NPAS3: variants seen among roughly 807,000 people sequenced by gnomAD.
NPAS3 encodes neuronal PAS domain protein 3, also known as neuronal PAS domain-containing protein 3.
Under a neutral mutation model 73.1 loss-of-function variants are expected in NPAS3, and 14 were observed. The ratio of observed to expected loss-of-function variants is 0.19; its 90% CI spans 0.13 to 0.30. The LOEUF is 0.30. Among genes scored for constraint, NPAS3 ranks in the 10% least tolerant of loss-of-function variants. The pLI is 1.00. For synonymous variants in NPAS3, 620 were observed against 541.5 expected (o/e 1.14, Z -2.01); for missense variants, 1,096 against 1,250.0 (o/e 0.88, Z 1.86).
intron 4 of NPAS3, among the ~76,000 whole-genome samples, chr14:33,465,464 C>T (rs7141037): frequency 0.14 from 21,241 of 152,044 alleles, 2,318 homozygotes; most frequent in African/African-American, 0.3. Context: ...TAGAATATAT[C>T]GATTCAAGCA....
intron 5 of NPAS3, among the ~76,000 whole-genome samples, chr14:33,605,635 T>G (rs2057536030): frequency 6.6e-6 from 1 of 152,172 alleles, no homozygotes; most frequent in Non-Finnish European, 1.5e-5. Context: ...GACAACAGCA[T>G]TCTTAAGTAC....
intron 2 of NPAS3, among the ~76,000 whole-genome samples, chr14:33,084,004 A>AGAAATTTG (rs1444046635): frequency 2.0e-5 from 3 of 152,196 alleles, no homozygotes; most frequent in Admixed American, 6.5e-5. Flanking sequence ...ATCCCAAATG[A>AGAAATTTG]GAAATTTGGA....
At chr14:33,645,313 G>A (rs1349781418) in intron 5 of NPAS3, among the ~76,000 whole-genome samples, 4 of 152,076 alleles carry the variant, frequency 2.6e-5, no homozygotes, top group Non-Finnish European at 5.9e-5. Flanking sequence ...CTCTGGGGGT[G>A]GGATTCCAGA....
chr14:33,078,550 CA>C (rs1318466562), intron 2 of NPAS3, among the ~76,000 whole-genome samples: 2 of 142,998 alleles, frequency 1.4e-5, no homozygotes, highest in African/African-American at 2.6e-5. Flanking sequence ...AAAAAACAAA[CA>C]AAAAAACCCA....
chr14:33,317,585 C>T (rs972458290), intron 3 of NPAS3, among the ~76,000 whole-genome samples: 3 of 152,008 alleles, frequency 2.0e-5, no homozygotes, highest in South Asian at 2.1e-4. Context: ...ATGCTGTTCT[C>T]GTGATAGTGA....
chr14:33,764,399 C>T (rs1056975708), intron 7 of NPAS3, among the ~76,000 whole-genome samples: 9 of 152,178 alleles, frequency 5.9e-5, no homozygotes, highest in African/African-American at 1.9e-4. Context: ...TTAAGTAAAA[C>T]ACACATTCAA....
At chr14:33,395,563 C>A (rs934530678) in intron 4 of NPAS3, among the ~76,000 whole-genome samples, 3 of 151,390 alleles carry the variant, frequency 2.0e-5, no homozygotes, top group Non-Finnish European at 4.4e-5. Flanking sequence ...TACATATATG[C>A]GTGTATACAT....
chr14:33,162,081 A>G (rs1289217479), intron 2 of NPAS3, among the ~76,000 whole-genome samples: 1 of 152,216 alleles, frequency 6.6e-6, no homozygotes, highest in African/African-American at 2.4e-5. Context: ...GCTGGCCCTG[A>G]TGTATATTTG....
intron 5 of NPAS3, among the ~76,000 whole-genome samples, chr14:33,638,077 TA>T (rs1320438941): frequency 2.0e-5 from 3 of 152,210 alleles, no homozygotes; most frequent in African/African-American, 7.2e-5. Context: ...TTATTTTTGA[TA>T]GCTGATTCTA....
intron 1 of NPAS3, among the ~76,000 whole-genome samples, chr14:32,942,090 G>A (rs574960456): frequency 6.6e-6 from 1 of 152,210 alleles, no homozygotes; most frequent in Non-Finnish European, 1.5e-5. Flanking sequence ...GTATTTCCTT[G>A]TAGCAGTTGA....
intron 2 of NPAS3, among the ~76,000 whole-genome samples, chr14:33,112,918 T>C (rs2042943325): frequency 6.6e-6 from 1 of 152,336 alleles, no homozygotes; most frequent in South Asian, 2.1e-4. Flanking sequence ...ATTTATTAAA[T>C]AGGGAATCCT....
intron 4 of NPAS3, among the ~76,000 whole-genome samples, chr14:33,467,221 G>T (rs991485008): frequency 1.3e-5 from 2 of 152,172 alleles, no homozygotes; most frequent in East Asian, 1.9e-4. Flanking sequence ...GGAAGAAAAG[G>T]CTTAGGGATT....
intron 2 of NPAS3, among the ~76,000 whole-genome samples, chr14:33,207,364 A>C (rs2046869719): frequency 6.6e-6 from 1 of 151,972 alleles, no homozygotes; most frequent in South Asian, 2.1e-4. Flanking sequence ...CACATTTGCA[A>C]ACTGCACTGC....
At chr14:33,048,265 T>C (rs575760706) in intron 1 of NPAS3, among the ~76,000 whole-genome samples, 1 of 152,224 alleles carries the variant, frequency 6.6e-6, no homozygotes, top group Non-Finnish European at 1.5e-5. Flanking sequence ...AGAAGACTGG[T>C]CATCCTAACC....
chr14:33,189,720 AT>A (rs1412950929), intron 2 of NPAS3, among the ~76,000 whole-genome samples: 1 of 152,166 alleles, frequency 6.6e-6, no homozygotes. Context: ...AAAATGTGTC[AT>A]CCCTTTGTAA....
intron 6 of NPAS3, among the ~76,000 whole-genome samples, chr14:33,680,092 A>G (rs533055258): frequency 1.3e-5 from 2 of 152,260 alleles, no homozygotes; most frequent in Non-Finnish European, 2.9e-5. Flanking sequence ...CCTCTGACCA[A>G]TGGCATTTGG....
chr14:33,016,422 G>GAATT (rs759139449), intron 1 of NPAS3, among the ~76,000 whole-genome samples: 14 of 151,950 alleles, frequency 9.2e-5, no homozygotes, highest in Non-Finnish European at 1.3e-4. Context: ...ATGAATGAAT[G>GAATT]AATGAATGAA....
At chr14:33,357,297 T>C (rs1464569205) in intron 3 of NPAS3, among the ~76,000 whole-genome samples, 1 of 152,232 alleles carries the variant, frequency 6.6e-6, no homozygotes, top group Non-Finnish European at 1.5e-5. Flanking sequence ...CAATTACTGC[T>C]GGAATAGGGC....
intron 2 of NPAS3, among the ~76,000 whole-genome samples, chr14:33,095,657 CTTTTATTTTTTTATTT>C (rs1162612571): frequency 1.2e-4 from 12 of 97,656 alleles, no homozygotes; most frequent in Admixed American, 6.2e-4. Context: ...GCATTCTCTG[CTTTTATTTTTTTATTT>C]TTTTTTTTTT....
Sources: allele counts gnomAD v4.1 joint callset (sites outside exome capture counted in the v4.1 genomes callset), GRCh38; gene constraint gnomAD v4.1.1; transcripts MANE v1.5; gene names NCBI Gene and HGNC (gene_info 2026-07-23, HGNC 2026-07-21).